Variants in SCAPER observed in about 807,000 individuals in gnomAD.
SCAPER encodes the protein S phase cyclin A-associated protein in the endoplasmic reticulum.
In SCAPER, 98 loss-of-function variants were observed where a neutral mutation model predicts 182.2. That is an observed-to-expected ratio of 0.54 (90% confidence interval 0.46 to 0.64). SCAPER has a LOEUF of 0.64. SCAPER is among the 30% of genes least tolerant of loss of function. The pLI is 0.00. For missense variants in SCAPER, 1,432 were observed against 1,690.0 expected (o/e 0.85, Z 2.68); for synonymous variants, 605 against 564.6 (o/e 1.07, Z -1.01).
At chr15:76,844,271 GAAAA>G (rs34092470) in intron 4 of SCAPER, among the ~76,000 whole-genome samples, 1 of 125,352 alleles carries the variant, frequency 8.0e-6, no homozygotes. Context: ...ACAGAAAGAG[GAAAA>G]AAAAAAAAAA....
At chr15:76,390,028 C>T (rs1321543427) in intron 27 of SCAPER, among the ~76,000 whole-genome samples, 11 of 151,844 alleles carry the variant, frequency 7.2e-5, no homozygotes, top group African/African-American at 2.2e-4. Flanking sequence ...ACAATTGTAG[C>T]TCACTGTAAC....
At chr15:76,549,374 T>C (rs1480467528) in intron 23 of SCAPER, among the ~76,000 whole-genome samples, 1 of 152,138 alleles carries the variant, frequency 6.6e-6, no homozygotes, top group African/African-American at 2.4e-5. Flanking sequence ...CCAACAATGA[T>C]AGACCTGATT....
chr15:76,391,250 C>T (rs781699056), intron 27 of SCAPER, among the ~76,000 whole-genome samples: 5 of 152,176 alleles, frequency 3.3e-5, no homozygotes, highest in Non-Finnish European at 7.3e-5. Flanking sequence ...CCAGAGAGGC[C>T]GTTCCTGACC....
At chr15:76,682,439 C>T (rs1025039470) in intron 20 of SCAPER, among the ~76,000 whole-genome samples, 2 of 152,136 alleles carry the variant, frequency 1.3e-5, no homozygotes, top group Non-Finnish European at 2.9e-5. Context: ...AACACCCTGC[C>T]ACTGCAAGCG....
At chr15:76,609,023 C>T (rs1298056230) in intron 22 of SCAPER, among the ~76,000 whole-genome samples, 2 of 152,194 alleles carry the variant, frequency 1.3e-5, no homozygotes, top group Non-Finnish European at 2.9e-5. Context: ...TGCGCTGTGC[C>T]TACCGTCCTG....
In SCAPER at chr15:76,846,330, A is replaced by G. The variant is rs541007304; in HGVS notation, c.196-4399T>C. ...ACCCCATAAGCACAGGCAACAATGC[A>G]AAAATGTACAAATGGGATCACATCA... On this transcript the variant is annotated intron_variant, in intron 4 of 31. Coordinates refer to ENST00000563290, the MANE Select transcript of SCAPER (RefSeq NM_020843.4). Among the ~76,000 whole-genome samples, 4 of 152,254 alleles carry G rather than the reference A, an allele frequency of 2.6e-5. No individual in the cohort carries two copies. The South Asian group carries it at 8.3e-4, about 32-fold the overall frequency.
At chr15:76,633,835 G>A (rs998872297) in intron 21 of SCAPER, among the ~76,000 whole-genome samples, 9 of 152,346 alleles carry the variant, frequency 5.9e-5, no homozygotes, top group Middle Eastern at 3.4e-3. Context: ...CTCTCCGCCC[G>A]GAACTTGGTC....
In SCAPER at chr15:76,477,499, G is replaced by A. The variant is rs1399549035; in HGVS notation, c.2955-6164C>T. On this transcript the variant is annotated intron_variant, in intron 24 of 31. Coordinates refer to ENST00000563290, the MANE Select transcript of SCAPER (RefSeq NM_020843.4). Reference sequence around the variant, plus strand: ...TGTACCACTCTGCCTTCTTCCCTAGGATAAATTTCCAATAATGATAATTTG... The same window carrying A: ...TGTACCACTCTGCCTTCTTCCCTAGAATAAATTTCCAATAATGATAATTTG... 2.0e-5 allele frequency among the ~76,000 whole-genome samples: 3 copies of A among 152,016 alleles called. No homozygotes were observed. The East Asian group carries it at 5.8e-4, about 29-fold the overall frequency.
chr15:76,380,589 A>G (rs1266375797), intron 28 of SCAPER: 1 of 152,198 alleles, frequency 6.6e-6, no homozygotes, highest in East Asian at 1.9e-4. Context: ...CAATTCATCT[A>G]AATTATGGGT....
At chr15:76,546,930 C>T (rs1050174601) in intron 23 of SCAPER, among the ~76,000 whole-genome samples, 1 of 152,114 alleles carries the variant, frequency 6.6e-6, no homozygotes, top group African/African-American at 2.4e-5. Flanking sequence ...AACTTATCCC[C>T]TTCCTTTCTG....
At chr15:76,432,146 G>A (rs1432510346) in intron 26 of SCAPER, among the ~76,000 whole-genome samples, 2 of 152,204 alleles carry the variant, frequency 1.3e-5, no homozygotes, top group Non-Finnish European at 2.9e-5. Flanking sequence ...CTGCATCACA[G>A]GGTAGCCCAA....
intron 4 of SCAPER, among the ~76,000 whole-genome samples, chr15:76,842,255 G>T (rs1196643686): frequency 2.0e-5 from 3 of 152,146 alleles, no homozygotes; most frequent in African/African-American, 7.2e-5. Context: ...ATCCATGGGA[G>T]ATTGATATGG....
intron 8 of SCAPER, among the ~76,000 whole-genome samples, chr15:76,775,337 A>G (rs1449700905): frequency 6.6e-6 from 1 of 152,180 alleles, no homozygotes; most frequent in Non-Finnish European, 1.5e-5. Flanking sequence ...AATTCAGATT[A>G]AGGCTGACCT....
At position 76,793,145 on chromosome 15, in the gene SCAPER, T is replaced by C. The variant is rs2151462106; in HGVS notation, c.772+2135A>G. ...TTAAATGCATGTGGTCACTCTATCA[T>C]CTTTAACTAGAATTATTTTTTATAA... On this transcript the variant is annotated intron_variant, in intron 8 of 31. Transcript: ENST00000563290. 6.8e-6 allele frequency: 6 copies of C among 880,396 alleles called. No individual in the cohort carries two copies. In the South Asian group the frequency reaches 7.6e-5, roughly 11 times the overall value. The allele number at this position is 880,396 out of a possible 1,614,324, so 54.5% of individuals were successfully genotyped here.
At chr15:76,725,760 A>C (rs908811637) in intron 17 of SCAPER, among the ~76,000 whole-genome samples, 10 of 152,054 alleles carry the variant, frequency 6.6e-5, no homozygotes, top group Non-Finnish European at 1.2e-4. Flanking sequence ...CAGTCTTTTC[A>C]ACAAGAAGTG....
chr15:76,663,560 C>G (rs1181388153), intron 21 of SCAPER, among the ~76,000 whole-genome samples: 1 of 151,624 alleles, frequency 6.6e-6, no homozygotes, highest in Admixed American at 6.6e-5. Context: ...CACATCAACA[C>G]AGATAAACCT....
chr15:76,693,378 T>C (rs895949583), intron 20 of SCAPER, among the ~76,000 whole-genome samples: 2 of 152,152 alleles, frequency 1.3e-5, no homozygotes, highest in African/African-American at 4.8e-5. Context: ...TCCTTGTACA[T>C]TGCTGGTAGG....
chr15:76,554,054 C>T (rs907127327), intron 23 of SCAPER, among the ~76,000 whole-genome samples: 3 of 152,100 alleles, frequency 2.0e-5, no homozygotes, highest in Non-Finnish European at 4.4e-5. Context: ...AGGAAAAAGT[C>T]AAAATCCAAT....
At chr15:76,369,643 T>C (rs1401246013) in intron 29 of SCAPER, among the ~76,000 whole-genome samples, 1 of 152,202 alleles carries the variant, frequency 6.6e-6, no homozygotes, top group African/African-American at 2.4e-5. Flanking sequence ...CACACCCTCT[T>C]AGCAAATGCT....
Sources: gnomAD v4.1 joint callset for allele counts (sites outside exome capture counted in the v4.1 genomes callset) on GRCh38, gnomAD v4.1.1 for gene constraint, MANE v1.5 for transcripts, NCBI Gene and HGNC (gene_info 2026-07-23, HGNC 2026-07-21) for gene names.